CSNK1E: variants seen among roughly 807,000 people sequenced by gnomAD.
CSNK1E encodes casein kinase 1 epsilon, also known as casein kinase I isoform epsilon.
CSNK1E carries 17 observed loss-of-function variants against 46.1 expected under a neutral mutation model. The ratio of observed to expected loss-of-function variants is 0.37; its 90% CI spans 0.25 to 0.55. The LOEUF (loss-of-function observed/expected upper bound fraction) is 0.55. Among genes scored for constraint, CSNK1E ranks in the 20% least tolerant of loss-of-function variants. The pLI is 0.82. For synonymous variants in CSNK1E, 241 were observed against 242.6 expected, an observed-to-expected ratio of 0.99 and a Z score of 0.06; for missense variants, 386 against 595.4, an observed-to-expected ratio of 0.65 and a Z score of 3.66.
At position 38,296,529 on chromosome 22, in the gene CSNK1E, G is replaced by T. The variant is rs1018741634; in HGVS notation, c.886-1995C>A. The stretch of plus-strand genomic sequence containing the variant: ...TTCTGCCAGGGGACTGCTGGAGGTG[G>T]TTCAGCTCACTACAGTGGCCGTGGC... On this transcript the variant is annotated intron_variant, in intron 7 of 10. Coordinates refer to ENST00000396832, the MANE Select transcript of CSNK1E (RefSeq NM_152221.3). 3 of 1,605,290 alleles carry T rather than the reference G, an allele frequency of 1.9e-6. No homozygotes were observed. The African/African-American group carries it at 4.0e-5, about 21-fold the overall frequency.
intron 2 of CSNK1E, among the ~76,000 whole-genome samples, chr22:38,306,891 T>A (rs1005352987): frequency 6.6e-6 from 1 of 152,008 alleles, no homozygotes; most frequent in Non-Finnish European, 1.5e-5. Flanking sequence ...CAATAAGAAA[T>A]AGGTTGGGTG....
intron 2 of CSNK1E, among the ~76,000 whole-genome samples, chr22:38,312,848 C>T (rs921308864): frequency 1.1e-4 from 16 of 152,188 alleles, no homozygotes; most frequent in African/African-American, 3.6e-4. Flanking sequence ...CAGAGCTAGA[C>T]GTCTAACGTC....
intron 7 of CSNK1E, chr22:38,296,686 C>A (rs777574520): frequency 1.9e-6 from 3 of 1,611,424 alleles, no homozygotes; most frequent in South Asian, 2.2e-5. Context: ...GTGCTCCTGG[C>A]CTGGTTGGAA....
chr22:38,304,325 A>T (rs1173013145), intron 2 of CSNK1E, among the ~76,000 whole-genome samples: 1 of 152,172 alleles, frequency 6.6e-6, no homozygotes, highest in Non-Finnish European at 1.5e-5. Flanking sequence ...CCGGCTGGCC[A>T]CCTGAGAAAA....
At position 38,317,367 on chromosome 22, in the gene CSNK1E, G is replaced by GCCGCCGCCT. The variant is rs2092753206; in HGVS notation, c.-229_-221dup. On this transcript the variant is annotated 5_prime_UTR_variant, in exon 1 of 11. Coordinates refer to ENST00000396832, the MANE Select transcript of CSNK1E (RefSeq NM_152221.3). Reference sequence around the variant, plus strand: ...GGCTCTCGCCGCCGCCGCCGCCGCCGCCGCCGCCTCCCTCCTCCCGGCCTC... The same window carrying GCCGCCGCCT: ...GGCTCTCGCCGCCGCCGCCGCCGCCGCCGCCGCCTCCGCCGCCTCCCTCCTCCCGGCCTC... 1 of 145,194 alleles carries GCCGCCGCCT rather than the reference G, an allele frequency of 6.9e-6. No individual in the cohort carries two copies. The highest frequency in any genetic ancestry group is 1.8e-4 in the South Asian group (1 of 5,516). The allele number at this position is 145,194 out of a possible 1,614,324, so 9.0% of individuals were successfully genotyped here. A position where few individuals can be genotyped will look rare whatever the true frequency, so the allele number is the denominator to read the frequency against.
In CSNK1E at chr22:38,298,100, G is replaced by A. The variant is rs1233711976; in HGVS notation, c.885+686C>T. On this transcript the variant is annotated intron_variant, in intron 7 of 10. Transcript: ENST00000396832. The surrounding 1 kb of genome is among the most constrained non-coding windows in gnomAD (Gnocchi z 4.2). ...GACCTCAGAGGATCCTTACCAGTACGTGGGTGAGTACGTGGGCCCAGCACA... is the reference window on the plus strand; with the variant it reads ...GACCTCAGAGGATCCTTACCAGTACATGGGTGAGTACGTGGGCCCAGCACA... The A allele has an allele frequency of 6.4e-6, 8 of 1,252,230 alleles. No individual in the cohort carries two copies. The highest frequency in any genetic ancestry group is 2.7e-5 in the South Asian group (2 of 73,504). The allele number at this position is 1,252,230 out of a possible 1,614,324, so 77.6% of individuals were successfully genotyped here. A position where few individuals can be genotyped will look rare whatever the true frequency, so the allele number is the denominator to read the frequency against.
intron 2 of CSNK1E, among the ~76,000 whole-genome samples, chr22:38,307,779 C>T (rs560370118): frequency 6.6e-6 from 1 of 152,328 alleles, no homozygotes; most frequent in Admixed American, 6.5e-5. Flanking sequence ...TCACTGCAGC[C>T]TCAACCTCTG....
intron 4 of CSNK1E, 61 bp from the exon 5 acceptor site, chr22:38,301,013 G>C (rs922173837): frequency 7.0e-7 from 1 of 1,432,244 alleles, no homozygotes; most frequent in African/African-American, 1.4e-5. Context: ...TCTGGGCCAG[G>C]CAGGGGCTGG....
chr22:38,306,963 C>T (rs936608410), intron 2 of CSNK1E, among the ~76,000 whole-genome samples: 2 of 152,034 alleles, frequency 1.3e-5, no homozygotes, highest in African/African-American at 2.4e-5. Flanking sequence ...TTGAGTCCAG[C>T]GGTTCGAGAC....
rs1401885854 is a variant in CSNK1E at position 38,294,511 on chromosome 22, A to T, written c.909T>A (p.Asp303Glu). Residue 303 changes from aspartate (D) to glutamate (E), a missense_variant, in exon 8 of 11, where the codon GAT becomes GAA. This residue lies in a region of CSNK1E where 174 missense variants were observed against 185.2 expected (regional missense o/e 0.94). Transcript: ENST00000396832. The surrounding 1 kb of genome is among the most constrained non-coding windows in gnomAD (Gnocchi z 5.5). ...CGTGTTCTCGCCGCTCCCGGTCCAC[A>T]TCCTCGGGATTCCGGGCTGCACCCT... Reference protein sequence around the residue: ...LKFGAARNPEDVDRERREHER... With the variant: ...LKFGAARNPEEVDRERREHER... 1 of 1,595,402 alleles carries T rather than the reference A, an allele frequency of 6.3e-7. No individual in the cohort carries two copies. Among genetic ancestry groups the T allele is most frequent in the African/African-American group, 1.3e-5 (1 of 74,176 alleles).
Position 38,294,138 on chromosome 22 carries a change from G to C in CSNK1E, c.1189C>G (p.Gln397Glu), listed in dbSNP as rs1271239791. ...NVSSSDLTGR[Q>E]EVSRIPASQT... ...GAGGCTGGGATCCGGGAGACCTCTTGCCGCCCAGTGAGGTCTGAGGAGGAG... is the reference window on the plus strand; with the variant it reads ...GAGGCTGGGATCCGGGAGACCTCTTCCCGCCCAGTGAGGTCTGAGGAGGAG... The change falls in exon 9 of 11, where the codon CAA (glutamine) becomes GAA (glutamate). Residue 397 changes from glutamine (Q) to glutamate (E), a missense_variant. Physicochemically the swap from Gln to Glu is conservative, Grantham distance 29. Transcript: ENST00000396832. The surrounding 1 kb of genome is among the most constrained non-coding windows in gnomAD (Gnocchi z 5.5). The C allele has an allele frequency of 6.2e-7, 1 of 1,611,102 alleles. No individual in the cohort carries two copies. Among genetic ancestry groups the C allele is most frequent in the Non-Finnish European group, 8.5e-7 (1 of 1,179,566 alleles).
intron 2 of CSNK1E, among the ~76,000 whole-genome samples, chr22:38,313,146 C>T (rs972119645): frequency 1.3e-5 from 2 of 152,158 alleles, no homozygotes; most frequent in African/African-American, 4.8e-5. Context: ...ACAGAAACCC[C>T]GAAGTTCTGA....
intron 1 of CSNK1E, chr22:38,316,722 G>A (rs898682795): frequency 3.9e-5 from 6 of 152,106 alleles, no homozygotes; most frequent in Non-Finnish European, 8.8e-5. Context: ...CGAACCCCCA[G>A]GTCCGGGCGC....
intron 2 of CSNK1E, among the ~76,000 whole-genome samples, chr22:38,311,996 G>A (rs898469551): frequency 2.0e-5 from 3 of 152,106 alleles, no homozygotes; most frequent in Admixed American, 6.5e-5. Context: ...TAGAGACAGC[G>A]TTTCACCATG....
At chr22:38,312,412 G>C (rs1194299394) in intron 2 of CSNK1E, among the ~76,000 whole-genome samples, 1 of 152,172 alleles carries the variant, frequency 6.6e-6, no homozygotes, top group Non-Finnish European at 1.5e-5. Context: ...TTTCTATTCT[G>C]CTGTGAGGCT....
Position 38,294,415 on chromosome 22 carries a change from C to T in CSNK1E, c.1005G>A (p.Gly335=). ...TRALPPGPPT[G]ATANRLRSAA... The stretch of plus-strand genomic sequence containing the variant: ...CACTGCGGAGCCGGTTGGCAGTGGC[C>T]CCCGTGGGTGGGCCAGGGGGCAGGG... The change falls in exon 8 of 11, where the codon GGG becomes GGA. Residue 335 remains glycine (G), a synonymous_variant. Coordinates refer to ENST00000396832, the MANE Select transcript of CSNK1E (RefSeq NM_152221.3). The surrounding 1 kb of genome is among the most constrained non-coding windows in gnomAD (Gnocchi z 5.5). 3 of 1,559,318 alleles carry T rather than the reference C, an allele frequency of 1.9e-6. No individual in the cohort carries two copies. The highest frequency in any genetic ancestry group is 2.6e-6 in the Non-Finnish European group (3 of 1,154,500).
chr22:38,296,901 A>G, intron 7 of CSNK1E: 1 of 621,508 alleles, frequency 1.6e-6, no homozygotes. Context: ...CAGCCTCCCA[A>G]GCAGCTGGGA....
chr22:38,309,952 C>T lies in CSNK1E; in HGVS notation c.76+4130G>A, dbSNP rs1005278824. ...TGAGTTCCTTGGTGGCCTCTAAATT[C>T]TATCAGGAAGCCGCCAGGCTTTTCT... On this transcript the variant is annotated intron_variant, in intron 2 of 10. Transcript: ENST00000396832. The surrounding 1 kb of genome is among the most constrained non-coding windows in gnomAD (Gnocchi z 4.8). Among the ~76,000 whole-genome samples, 1 of 152,234 alleles carries T rather than the reference C, an allele frequency of 6.6e-6. No individual in the cohort carries two copies. The highest frequency in any genetic ancestry group is 2.4e-5 in the African/African-American group (1 of 41,454).
intron 2 of CSNK1E, among the ~76,000 whole-genome samples, chr22:38,305,330 A>C (rs560982085): frequency 7.2e-4 from 109 of 152,134 alleles, no homozygotes; most frequent in African/African-American, 2.4e-3. Context: ...ACGTTTAATA[A>C]GAAATAACAA....
Sources: gnomAD v4.1 joint callset for allele counts (sites outside exome capture counted in the v4.1 genomes callset) on GRCh38, gnomAD v4.1.1 for gene constraint, gnomAD v4.1.1 regional missense constraint, Gnocchi (gnomAD v3.1) non-coding constraint, MANE v1.5 for transcripts, NCBI Gene and HGNC (gene_info 2026-07-23, HGNC 2026-07-21) for gene names.